Variants in RANBP17 observed in about 807,000 individuals in gnomAD.
The protein encoded by RANBP17 is RAN binding protein 17, also known as ran-binding protein 17.
Under a neutral mutation model 141.2 loss-of-function variants are expected in RANBP17, and 158 were observed. That is an observed-to-expected ratio of 1.12 (90% CI 0.98 to 1.28). The LOEUF (loss-of-function observed/expected upper bound fraction) is 1.28. RANBP17 is among the 50% of genes most tolerant of loss of function. The probability of loss-of-function intolerance (pLI) is 0.00; values close to 1 mark genes in which losing one functional copy is unlikely to be tolerated. For synonymous variants in RANBP17, 430 were observed against 450.0 expected, an observed-to-expected ratio of 0.96 and a Z score of 0.56; for missense variants, 1,438 against 1,290.7, an observed-to-expected ratio of 1.11 and a Z score of -1.75.
intron 14 of RANBP17, among the ~76,000 whole-genome samples, chr5:171,015,768 C>T (rs1780384121): frequency 6.6e-6 from 1 of 152,086 alleles, no homozygotes; most frequent in African/African-American, 2.4e-5. Context: ...TAGAAAAGCA[C>T]GTAGTCTAGG....
At chr5:171,142,957 G>T (rs143457046) in intron 14 of RANBP17, among the ~76,000 whole-genome samples, 4 of 152,292 alleles carry the variant, frequency 2.6e-5, no homozygotes, top group Middle Eastern at 6.8e-3. Context: ...AAGTAATAAA[G>T]ACCTGGTTTC....
rs769099980 is a variant in RANBP17 at position 171,241,124 on chromosome 5, G to T, written c.2619G>T (p.Val873=). ...LQAFVKMLLS[V]SHSDLLQYRK... is the part of the protein sequence containing the mutation. ...CTTTTGTCAAAATGCTGCTGTCAGT[G>T]TCCCACAGTGACTTGCTAGTAAGCA... is the stretch of plus-strand genomic sequence containing the variant. Residue 873 remains valine, a synonymous_variant, in exon 23 of 28, where the codon GTG becomes GTT. Transcript: ENST00000523189. 3.1e-6 allele frequency: 5 copies of T among 1,612,788 alleles called. No individual in the cohort carries two copies. The Admixed American group carries it at 8.3e-5, about 27-fold the overall frequency.
At chr5:171,135,755 C>T (rs946084467) in intron 14 of RANBP17, among the ~76,000 whole-genome samples, 12 of 151,796 alleles carry the variant, frequency 7.9e-5, no homozygotes, top group South Asian at 2.1e-4. Flanking sequence ...TTTAAAATAC[C>T]GTATATTGAA....
chr5:171,288,547 C>T (rs1204956737), intron 25 of RANBP17, among the ~76,000 whole-genome samples: 2 of 152,198 alleles, frequency 1.3e-5, no homozygotes, highest in South Asian at 2.1e-4. Flanking sequence ...GCACATATCC[C>T]GGTTCAGCTT....
chr5:170,874,668 T>C (rs1768027799), intron 1 of RANBP17, among the ~76,000 whole-genome samples: 1 of 152,116 alleles, frequency 6.6e-6, no homozygotes, highest in Non-Finnish European at 1.5e-5. Context: ...TTTTTTGCTT[T>C]CCATTTGCTT....
chr5:171,054,457 C>A (rs1419639328), intron 14 of RANBP17, among the ~76,000 whole-genome samples: 1 of 152,168 alleles, frequency 6.6e-6, no homozygotes, highest in East Asian at 1.9e-4. Context: ...GCTAACATTG[C>A]CATGGCATTT....
intron 25 of RANBP17, among the ~76,000 whole-genome samples, chr5:171,289,043 C>T (rs1399203977): frequency 6.6e-6 from 1 of 152,210 alleles, no homozygotes; most frequent in Non-Finnish European, 1.5e-5. Flanking sequence ...AACTCTTTAG[C>T]TCTTTATACT....
At chr5:171,022,497 C>A (rs2127604697) in intron 14 of RANBP17, among the ~76,000 whole-genome samples, 1 of 152,346 alleles carries the variant, frequency 6.6e-6, no homozygotes, top group East Asian at 1.9e-4. Context: ...GCTGGAGTTA[C>A]AGAGTTCCTG....
At chr5:171,203,707 C>T (rs762550291) in intron 19 of RANBP17, among the ~76,000 whole-genome samples, 32 of 151,872 alleles carry the variant, frequency 2.1e-4, no homozygotes, top group African/African-American at 3.1e-4. Context: ...TTTTGTATAA[C>T]GAGGATAGTC....
intron 12 of RANBP17, among the ~76,000 whole-genome samples, chr5:170,940,817 C>T (rs769307273): frequency 6.6e-6 from 1 of 151,264 alleles, no homozygotes; most frequent in African/African-American, 2.4e-5. Context: ...GGGCACATGG[C>T]GTGTTTTAAA....
At chr5:171,240,818 G>T (rs538706068) in intron 22 of RANBP17, 110 bp from the exon 23 acceptor site, 9 of 640,124 alleles carry the variant, frequency 1.4e-5, no homozygotes, top group Non-Finnish European at 2.4e-5. Context: ...TTAAAAATAT[G>T]CTGGGAGGAA....
At chr5:171,041,378 AC>A (rs1448579678) in intron 14 of RANBP17, among the ~76,000 whole-genome samples, 3 of 152,158 alleles carry the variant, frequency 2.0e-5, no homozygotes, top group Admixed American at 2.0e-4. Context: ...AGCTACCACC[AC>A]CAACTTGTGA....
At chr5:171,265,548 C>T (rs1766613884) in intron 24 of RANBP17, 133 bp from the exon 25 acceptor site, 1 of 808,118 alleles carries the variant, frequency 1.2e-6, no homozygotes, top group African/African-American at 1.7e-5. Flanking sequence ...CAAATTCCTG[C>T]CCTCAAAGAA....
intron 22 of RANBP17, among the ~76,000 whole-genome samples, chr5:171,232,307 A>C (rs1215743529): frequency 6.6e-6 from 1 of 152,212 alleles, no homozygotes; most frequent in African/African-American, 2.4e-5. Flanking sequence ...GTTCAGAAAC[A>C]AAATTACATC....
chr5:170,904,316 C>T (rs1321071193), intron 5 of RANBP17: 2 of 246,562 alleles, frequency 8.1e-6, no homozygotes, highest in African/African-American at 4.6e-5. Flanking sequence ...TCATCACTGT[C>T]TACAAGTTGA....
At chr5:171,141,236 A>G (rs751132069) in intron 14 of RANBP17, among the ~76,000 whole-genome samples, 3 of 152,186 alleles carry the variant, frequency 2.0e-5, no homozygotes, top group Non-Finnish European at 2.9e-5. Flanking sequence ...GAAACAAAGT[A>G]TACTCAGACT....
intron 14 of RANBP17, among the ~76,000 whole-genome samples, chr5:170,979,363 A>G (rs1581299202): frequency 6.6e-6 from 1 of 152,324 alleles, no homozygotes; most frequent in East Asian, 1.9e-4. Flanking sequence ...AAATATAGCA[A>G]ATTAAAATTT....
intron 14 of RANBP17, among the ~76,000 whole-genome samples, chr5:171,106,210 A>G (rs937190646): frequency 1.3e-5 from 2 of 152,228 alleles, no homozygotes; most frequent in African/African-American, 4.8e-5. Flanking sequence ...AGGTTACAGC[A>G]GCCCTTAAGA....
intron 25 of RANBP17, among the ~76,000 whole-genome samples, chr5:171,287,234 T>TC (rs1561831028): frequency 1.3e-5 from 2 of 152,220 alleles, no homozygotes. Flanking sequence ...CTCACGCCTG[T>TC]AATCCCAGCA....
Sources: gnomAD v4.1 joint callset for allele counts (sites outside exome capture counted in the v4.1 genomes callset) on GRCh38, gnomAD v4.1.1 for gene constraint, MANE v1.5 for transcripts, NCBI Gene and HGNC (gene_info 2026-07-23, HGNC 2026-07-21) for gene names.